Variants in ATXN8OS observed in about 807,000 individuals in gnomAD.
ATXN8OS encodes ATXN8 opposite strand (non-protein coding).
At chr13:70,126,259 C>T (rs951292307) in intron 2 of ATXN8OS, among the ~76,000 whole-genome samples, 1 of 152,182 alleles carries the variant, frequency 6.6e-6, no homozygotes, top group South Asian at 2.1e-4. Flanking sequence ...GATATGTATA[C>T]ATAAATACAA....
chr13:70,119,482 T>A (rs1007508494), intron 2 of ATXN8OS, among the ~76,000 whole-genome samples: 8 of 152,268 alleles, frequency 5.3e-5, no homozygotes, highest in African/African-American at 1.9e-4. Flanking sequence ...TAATAAATCT[T>A]TAGAGTAAAG....
At chr13:70,107,989 T>C (rs2137464022) in exon 1 of ATXN8OS, 2 of 444,058 alleles carry the variant, frequency 4.5e-6, no homozygotes, top group African/African-American at 2.0e-5. Flanking sequence ...GAATCCTCGA[T>C]GCCCGCGCGA....
At chr13:70,130,688 C>CAG in intron 3 of ATXN8OS, 1 of 398,354 alleles carries the variant, frequency 2.5e-6, no homozygotes, top group Non-Finnish European at 4.4e-6. Context: ...ATTCAAACTT[C>CAG]AGAGAGAGAG....
chr13:70,155,487 T>C (rs1327257063), intron 4 of ATXN8OS, among the ~76,000 whole-genome samples: 1 of 152,188 alleles, frequency 6.6e-6, no homozygotes, highest in African/African-American at 2.4e-5. Context: ...CAGAATCAAC[T>C]AGTATTCCAG....
chr13:70,171,326 G>T (rs1333969777), exon 5 of ATXN8OS, among the ~76,000 whole-genome samples: 2 of 152,108 alleles, frequency 1.3e-5, no homozygotes, highest in South Asian at 2.1e-4. Context: ...AAACCTTTGG[G>T]CGTAACTTTA....
At chr13:70,161,695 T>C (rs1378142127) in intron 4 of ATXN8OS, among the ~76,000 whole-genome samples, 1 of 151,998 alleles carries the variant, frequency 6.6e-6, no homozygotes, top group Non-Finnish European at 1.5e-5. Flanking sequence ...CCAGAGGCGG[T>C]CTCTGTTTCA....
chr13:70,119,407 T>C (rs1246530272), intron 2 of ATXN8OS, among the ~76,000 whole-genome samples: 1 of 152,126 alleles, frequency 6.6e-6, no homozygotes, highest in Admixed American at 6.6e-5. Flanking sequence ...TACTTTCTCT[T>C]ATAAGATTGT....
chr13:70,139,406 T>TGCCGCTGCCGCTGCCGCTGCC, intron 3 of ATXN8OS: 1 of 775,668 alleles, frequency 1.3e-6, no homozygotes. Flanking sequence ...CTGCTGCTGC[T>TGCCGCTGCCGCTGCCGCTGCC]GCTGCTGCTG....
At chr13:70,154,157 A>G (rs533416033) in intron 4 of ATXN8OS, among the ~76,000 whole-genome samples, 30 of 152,302 alleles carry the variant, frequency 2.0e-4, no homozygotes, top group African/African-American at 6.0e-4. Context: ...ATTTCTCCAC[A>G]TATTTTAAAA....
At chr13:70,155,797 C>CAA (rs34051772) in intron 4 of ATXN8OS, among the ~76,000 whole-genome samples, 10,107 of 137,318 alleles carry the variant, frequency 0.074, 722 homozygotes, top group African/African-American at 0.18. Context: ...AAAACTGAGA[C>CAA]AAAAAAAAAA....
intron 3 of ATXN8OS, among the ~76,000 whole-genome samples, chr13:70,140,780 T>C (rs1364233872): frequency 6.6e-6 from 1 of 152,108 alleles, no homozygotes; most frequent in Non-Finnish European, 1.5e-5. Context: ...CCTGTTTTAG[T>C]AATCTCAAAT....
chr13:70,111,098 T>C (rs1449143486), intron 1 of ATXN8OS, among the ~76,000 whole-genome samples: 1 of 152,180 alleles, frequency 6.6e-6, no homozygotes, highest in Non-Finnish European at 1.5e-5. Flanking sequence ...AAAAGGTTAA[T>C]CGGGATACAG....
intron 2 of ATXN8OS, among the ~76,000 whole-genome samples, chr13:70,123,174 CTA>C: frequency 6.6e-6 from 1 of 151,916 alleles, no homozygotes; most frequent in Non-Finnish European, 1.5e-5. Flanking sequence ...TTGCCAGATA[CTA>C]TAGATAGAAA....
At chr13:70,121,336 G>A (rs1888357831) in intron 2 of ATXN8OS, among the ~76,000 whole-genome samples, 1 of 152,054 alleles carries the variant, frequency 6.6e-6, no homozygotes, top group Admixed American at 6.6e-5. Flanking sequence ...TGGGAGGAGA[G>A]GGAAGAGATA....
At chr13:70,112,846 G>C (rs889947509) in intron 1 of ATXN8OS, among the ~76,000 whole-genome samples, 5 of 149,950 alleles carry the variant, frequency 3.3e-5, no homozygotes, top group Non-Finnish European at 5.9e-5. Flanking sequence ...AGTGGTTTAT[G>C]AACATTCATT....
At chr13:70,170,416 A>G (rs750851892) in exon 5 of ATXN8OS, among the ~76,000 whole-genome samples, 2 of 152,146 alleles carry the variant, frequency 1.3e-5, no homozygotes, top group Non-Finnish European at 2.9e-5. Context: ...CTAAGGCAGA[A>G]TTAAGAATTT....
chr13:70,132,874 G>A (rs1457781596), intron 3 of ATXN8OS, among the ~76,000 whole-genome samples: 1 of 149,180 alleles, frequency 6.7e-6, no homozygotes, highest in Non-Finnish European at 1.5e-5. Context: ...TTTTTTGCAT[G>A]TGCAAAGTCC....
At chr13:70,167,591 C>A (rs1486801479) in intron 4 of ATXN8OS, among the ~76,000 whole-genome samples, 2 of 151,756 alleles carry the variant, frequency 1.3e-5, no homozygotes, top group Middle Eastern at 3.4e-3. Flanking sequence ...AGCACACCAA[C>A]AATGCACATG....
intron 3 of ATXN8OS, among the ~76,000 whole-genome samples, chr13:70,137,268 T>C (rs1172191751): frequency 3.3e-5 from 5 of 152,204 alleles, no homozygotes; most frequent in African/African-American, 1.2e-4. Context: ...CTTTAAGTAG[T>C]TATCTTAACA....
Sources: gnomAD v4.1 joint callset for allele counts (sites outside exome capture counted in the v4.1 genomes callset) on GRCh38, gnomAD v4.1.1 for gene constraint, MANE v1.5 for transcripts, NCBI Gene and HGNC (gene_info 2026-07-23, HGNC 2026-07-21) for gene names.